Variants in SLC1A4 observed in about 807,000 individuals in gnomAD.
SLC1A4 encodes the protein solute carrier family 1 member 4, also known as neutral amino acid transporter A.
SLC1A4 carries 19 observed loss-of-function variants against 37.7 expected under a neutral mutation model. The observed-to-expected ratio is 0.50, with a 90% CI of 0.35 to 0.74. SLC1A4 has a LOEUF of 0.74. Among genes scored for constraint, SLC1A4 ranks in the 30% least tolerant of loss-of-function variants. The pLI is 0.01. For synonymous variants in SLC1A4, 299 were observed against 309.8 expected, an observed-to-expected ratio of 0.97 and a Z score of 0.37; for missense variants, 570 against 712.9, an observed-to-expected ratio of 0.80 and a Z score of 2.28.
At chr2:64,992,438 T>C (rs1673092729) in intron 1 of SLC1A4, among the ~76,000 whole-genome samples, 2 of 152,182 alleles carry the variant, frequency 1.3e-5, no homozygotes, top group Admixed American at 1.3e-4. Context: ...TGCACCTGCA[T>C]GGAGGGCTAA....
chr2:65,014,540 C>T (rs933873459), intron 4 of SLC1A4, among the ~76,000 whole-genome samples: 4 of 152,168 alleles, frequency 2.6e-5, no homozygotes, highest in African/African-American at 9.7e-5. Flanking sequence ...TGCATGATGC[C>T]ACTAGCACCA....
intron 7 of SLC1A4, among the ~76,000 whole-genome samples, chr2:65,020,133 AC>A (rs2103683578): frequency 6.6e-6 from 1 of 152,370 alleles, no homozygotes; most frequent in South Asian, 2.1e-4. Context: ...GCAATGGAAC[AC>A]ATATGAAGAT....
intron 4 of SLC1A4, 44 bp from the exon 5 acceptor site, chr2:65,016,396 C>G (rs377099712): frequency 6.7e-7 from 1 of 1,494,254 alleles, no homozygotes; most frequent in African/African-American, 1.4e-5. Flanking sequence ...TCTCTCACCC[C>G]AGCTTTATCC....
chr2:64,994,400 G>A (rs894598049), intron 1 of SLC1A4, among the ~76,000 whole-genome samples: 2 of 152,264 alleles, frequency 1.3e-5, no homozygotes, highest in African/African-American at 2.4e-5. Flanking sequence ...GGTAGGGACA[G>A]AGCCTAGGCC....
Position 65,010,755 on chromosome 2 carries a change from G to C in SLC1A4, c.792G>C (p.Trp264Cys), listed in dbSNP as rs767407356. Residue 264 changes from tryptophan (W) to cysteine (C), a missense_variant, in exon 4 of 8, where the codon TGG (tryptophan) becomes TGC (cysteine). Transcript: ENST00000234256. ...AGGCGACGATGGTGCTGGTGTCCTG[G>C]ATTATGTGGTGAGTGCTGCTTTGCT... ...LNEATMVLVS[W>C]IMWYVPVGIM... is the part of the protein sequence containing the mutation. 16 of 1,612,176 alleles carry C rather than the reference G, an allele frequency of 9.9e-6. No individual in the cohort carries two copies. Among genetic ancestry groups the C allele is most frequent in the Non-Finnish European group, 1.0e-5 (12 of 1,179,348 alleles).
In SLC1A4 at chr2:65,009,096, C is replaced by T. The variant is rs574102371; in HGVS notation, c.634-1501C>T. Among the ~76,000 whole-genome samples the T allele has an allele frequency of 8.5e-5, 13 of 152,296 alleles. No homozygotes were observed. In the East Asian group the frequency reaches 2.3e-3, roughly 27 times the overall value. On this transcript the variant is annotated intron_variant, in intron 3 of 7. Coordinates refer to ENST00000234256, the MANE Select transcript of SLC1A4 (RefSeq NM_003038.5). ...AAGAAAGGCCAGGTGTGGTGGCTCACGCCTGTAAACTCAGCACTTTGGAAG... is the reference window on the plus strand; with the variant it reads ...AAGAAAGGCCAGGTGTGGTGGCTCATGCCTGTAAACTCAGCACTTTGGAAG...
chr2:65,021,213 T>C lies in SLC1A4; in HGVS notation c.*67T>C. ...ACCCTGTTCACCCAGCCGCCAGTCA[T>C]GGACACAGGGCACTGCCCTTGCCAA... On this transcript the variant is annotated 3_prime_UTR_variant, in exon 8 of 8. Transcript: ENST00000234256. The C allele has an allele frequency of 7.5e-7, 1 of 1,333,872 alleles. No individual in the cohort carries two copies. 82.6% of individuals were successfully genotyped at this position (1,333,872 alleles called of 1,614,324 possible). A position where few individuals can be genotyped will look rare whatever the true frequency, so the allele number is the denominator to read the frequency against.
At chr2:65,009,978 C>CT (rs1353863518) in intron 3 of SLC1A4, among the ~76,000 whole-genome samples, 1 of 151,544 alleles carries the variant, frequency 6.6e-6, no homozygotes, top group Non-Finnish European at 1.5e-5. Context: ...GTCGCCCAGG[C>CT]TGGAGTGCAA....
intron 1 of SLC1A4, among the ~76,000 whole-genome samples, chr2:64,996,035 G>T (rs1002822877): frequency 2.0e-5 from 3 of 152,154 alleles, no homozygotes; most frequent in African/African-American, 7.2e-5. Flanking sequence ...TATTCAAAGA[G>T]TCTTATAGCG....
intron 4 of SLC1A4, among the ~76,000 whole-genome samples, chr2:65,014,123 GC>G (rs998409532): frequency 6.6e-6 from 1 of 152,036 alleles, no homozygotes; most frequent in African/African-American, 2.4e-5. Context: ...AAAAGCAAAA[GC>G]CATAAAAAGC....
At chr2:65,001,285 CCAA>C in intron 1 of SLC1A4, 160 bp from the exon 2 acceptor site, 1 of 642,096 alleles carries the variant, frequency 1.6e-6, no homozygotes. Context: ...GCCTGTAGTC[CCAA>C]CACTTTGGGA....
intron 2 of SLC1A4, among the ~76,000 whole-genome samples, chr2:65,001,981 T>G (rs1673477572): frequency 6.6e-6 from 1 of 152,182 alleles, no homozygotes; most frequent in East Asian, 1.9e-4. Flanking sequence ...CACATACATT[T>G]TAAAAATAAG....
At chr2:65,009,036 A>G (rs1203740573) in intron 3 of SLC1A4, among the ~76,000 whole-genome samples, 1 of 152,132 alleles carries the variant, frequency 6.6e-6, no homozygotes, top group Non-Finnish European at 1.5e-5. Flanking sequence ...AAAGCGCCCT[A>G]TACGGTGATC....
In SLC1A4 at chr2:64,989,794, G is replaced by A; in HGVS notation, c.151G>A (p.Gly51Arg). The change falls in exon 1 of 8, where the codon GGG (glycine) becomes AGG (arginine). Residue 51 changes from glycine to arginine, a missense_variant. Physicochemically the swap from Gly to Arg is moderately radical, Grantham distance 125. Transcript: ENST00000234256. ...AGCGCTGGTGCTGCTCACCGTGTCCGGGGTGCTGGCGGGCGCGGGCCTGGG... is the reference window on the plus strand; with the variant it reads ...AGCGCTGGTGCTGCTCACCGTGTCCAGGGTGCTGGCGGGCGCGGGCCTGGG... ...RQALVLLTVS[G>R]VLAGAGLGAA... The A allele has an allele frequency of 2.0e-6, 3 of 1,515,180 alleles. No homozygotes were observed. Among genetic ancestry groups the A allele is most frequent in the Non-Finnish European group, 2.6e-6 (3 of 1,136,178 alleles). 93.9% of individuals were successfully genotyped at this position (1,515,180 alleles called of 1,614,324 possible).
At chr2:65,014,764 G>C (rs1674059714) in intron 4 of SLC1A4, among the ~76,000 whole-genome samples, 1 of 152,212 alleles carries the variant, frequency 6.6e-6, no homozygotes, top group Admixed American at 6.5e-5. Flanking sequence ...TCTACCTAGA[G>C]AACAAAGGCA....
rs750532039 is a variant in SLC1A4, at chr2:65,003,909, C to T, written c.571-44C>T. The T allele has an allele frequency of 4.6e-6, 7 of 1,537,296 alleles. No homozygotes were observed. In the African/African-American group the frequency reaches 9.6e-5, roughly 21 times the overall value. ...CCCTTGGTTCCTCTAGGTCGGTCTT[C>T]ACCTGTGCACTAACAGTGGGTTTTT... On this transcript the variant is annotated intron_variant, in intron 2 of 7. Coordinates refer to ENST00000234256, the MANE Select transcript of SLC1A4 (RefSeq NM_003038.5).
In SLC1A4 at chr2:65,018,627, A is replaced by G. The variant is rs769133039; in HGVS notation, c.1312A>G (p.Ile438Val). Residue 438 changes from isoleucine (I) to valine (V), a missense_variant, in exon 7 of 8, where the codon ATT becomes GTT. Coordinates refer to ENST00000234256, the MANE Select transcript of SLC1A4 (RefSeq NM_003038.5). The surrounding 1 kb of genome is among the most constrained non-coding windows in gnomAD (Gnocchi z 4.3). The stretch of plus-strand genomic sequence containing the variant: ...CACCATTGCCATTATCCTGGAGGCC[A>G]TTGGGCTGCCTACTCATGACCTGCC... ...VLTIAIILEA[I>V]GLPTHDLPLI... 1 of 1,614,190 alleles carries G rather than the reference A, an allele frequency of 6.2e-7. No individual in the cohort carries two copies. The highest frequency in any genetic ancestry group is 1.1e-5 in the South Asian group (1 of 91,088).
intron 1 of SLC1A4, 102 bp downstream of exon 1, chr2:64,990,272 C>T (rs1166544771): frequency 8.8e-7 from 1 of 1,130,434 alleles, no homozygotes; most frequent in Non-Finnish European, 1.2e-6. Flanking sequence ...AGAGTTAATT[C>T]TTAGCTGGCT....
intron 4 of SLC1A4, among the ~76,000 whole-genome samples, chr2:65,015,460 C>T (rs151263194): frequency 0.012 from 1,842 of 152,194 alleles, 15 homozygotes; most frequent in Middle Eastern, 0.021. Flanking sequence ...TATCTAATTG[C>T]ATAGGAGGTA....
Sources: allele counts gnomAD v4.1 joint callset (sites outside exome capture counted in the v4.1 genomes callset), GRCh38; gene constraint gnomAD v4.1.1; non-coding constraint Gnocchi (gnomAD v3.1); transcripts MANE v1.5; gene names NCBI Gene and HGNC (gene_info 2026-07-23, HGNC 2026-07-21).